Variants in AGK observed in about 807,000 individuals in gnomAD.
AGK encodes acylglycerol kinase, mitochondrial.
Under a neutral mutation model 66.4 loss-of-function variants are expected in AGK, and 52 were observed. That is an observed-to-expected ratio of 0.78 (90% CI 0.63 to 0.99). The LOEUF (loss-of-function observed/expected upper bound fraction) is 0.99, where lower values mean the gene tolerates loss of function less well. AGK is among the 50% of genes least tolerant of loss of function. The probability of loss-of-function intolerance (pLI) is 0.00; values close to 1 mark genes in which losing one functional copy is unlikely to be tolerated. For synonymous variants in AGK, 182 were observed against 181.1 expected (o/e 1.00, Z -0.04); for missense variants, 451 against 506.6 (o/e 0.89, Z 1.05).
chr7:141,627,432 C>A (rs1796962848), intron 9 of AGK, among the ~76,000 whole-genome samples: 1 of 152,092 alleles, frequency 6.6e-6, no homozygotes, highest in African/African-American at 2.4e-5. Flanking sequence ...CATTCACGTT[C>A]CCTGATATTT....
chr7:141,581,239 AG>A (rs1278733517), intron 2 of AGK, among the ~76,000 whole-genome samples: 7 of 151,954 alleles, frequency 4.6e-5, no homozygotes, highest in Non-Finnish European at 1.0e-4. Context: ...GATGGGTGTC[AG>A]GGTCAGTCCA....
At chr7:141,575,762 G>C (rs1434715088) in intron 2 of AGK, among the ~76,000 whole-genome samples, 1 of 140,150 alleles carries the variant, frequency 7.1e-6, no homozygotes, top group African/African-American at 2.7e-5. Flanking sequence ...TTTTAGACCT[G>C]AAAATTGCTG....
intron 2 of AGK, among the ~76,000 whole-genome samples, chr7:141,560,598 T>C (rs1226504582): frequency 6.6e-6 from 1 of 152,048 alleles, no homozygotes; most frequent in East Asian, 1.9e-4. Context: ...GTGTGTAGTC[T>C]TTTATTCCTC....
intron 3 of AGK, 148 bp from the exon 4 acceptor site, chr7:141,596,414 C>T (rs911694281): frequency 3.2e-5 from 20 of 616,010 alleles, no homozygotes; most frequent in African/African-American, 9.3e-5. Context: ...ATGGTGTTTT[C>T]GTTAATATGA....
Position 141,639,957 on chromosome 7 carries a change from A to G in AGK, c.727-1291A>G, listed in dbSNP as rs533294342. On this transcript the variant is annotated intron_variant, in intron 11 of 15. Transcript: ENST00000649286. Reference sequence around the variant, plus strand: ...GAAAGCCAAGAGTAAGTGGAAAAAGAAAGCACTTGAAAGTAATTGACTATC... The same window carrying G: ...GAAAGCCAAGAGTAAGTGGAAAAAGGAAGCACTTGAAAGTAATTGACTATC... Among the ~76,000 whole-genome samples, 158 of 152,316 alleles carry G rather than the reference A, an allele frequency of 1.0e-3. 1 individual carries two copies. The highest frequency in any genetic ancestry group is 6.8e-3 in the Middle Eastern group (2 of 294).
At chr7:141,565,099 T>C (rs904501934) in intron 2 of AGK, among the ~76,000 whole-genome samples, 4 of 152,160 alleles carry the variant, frequency 2.6e-5, no homozygotes, top group Admixed American at 6.5e-5. Flanking sequence ...CCCTAGGCCT[T>C]CTTCTCACAT....
Position 141,587,132 on chromosome 7 carries a change from G to T in AGK, c.102-6014G>T, listed in dbSNP as rs546015158. 3.3e-5 allele frequency among the ~76,000 whole-genome samples: 5 copies of T among 152,266 alleles called. No individual in the cohort carries two copies. In the East Asian group the frequency reaches 9.7e-4, roughly 29 times the overall value. ...TCTCTGTGAATGGTACTGCCTTCCA[G>T]CAATTGCTTAATGCAGGATGTGGGC... On this transcript the variant is annotated intron_variant, in intron 2 of 15. Coordinates refer to ENST00000649286, the MANE Select transcript of AGK (RefSeq NM_018238.4).
At chr7:141,652,705 T>A (rs557628360) in intron 15 of AGK, 82 bp from the exon 16 acceptor site, 9 of 1,442,624 alleles carry the variant, frequency 6.2e-6, no homozygotes, top group South Asian at 6.2e-5. Flanking sequence ...ATAATGAACT[T>A]CTTCTGGTGC....
chr7:141,633,447 G>A (rs1046579000), intron 9 of AGK, among the ~76,000 whole-genome samples: 1 of 152,136 alleles, frequency 6.6e-6, no homozygotes, highest in Non-Finnish European at 1.5e-5. Context: ...GTATTTGACT[G>A]TAGTTTCAGA....
Position 141,651,623 on chromosome 7 carries a change from G to A in AGK, c.1131+14G>A. ...CTTATCCCGGAGGTGAGTGGGGAAGGGGTCGGTAGTCACAGCATTTGATTC... is the reference window on the plus strand; with the variant it reads ...CTTATCCCGGAGGTGAGTGGGGAAGAGGTCGGTAGTCACAGCATTTGATTC... On this transcript the variant is annotated intron_variant, in intron 15 of 15. Coordinates refer to ENST00000649286, the MANE Select transcript of AGK (RefSeq NM_018238.4). The A allele has an allele frequency of 6.2e-7, 1 of 1,612,836 alleles. No individual in the cohort carries two copies. Among genetic ancestry groups the A allele is most frequent in the Non-Finnish European group, 8.5e-7 (1 of 1,178,786 alleles).
At chr7:141,561,906 C>T (rs996914976) in intron 2 of AGK, among the ~76,000 whole-genome samples, 2 of 152,174 alleles carry the variant, frequency 1.3e-5, no homozygotes, top group African/African-American at 2.4e-5. Flanking sequence ...TTCCTGAGAA[C>T]CAAAGTGCAG....
At chr7:141,586,948 A>G (rs940434350) in intron 2 of AGK, among the ~76,000 whole-genome samples, 2 of 152,048 alleles carry the variant, frequency 1.3e-5, no homozygotes, top group Non-Finnish European at 2.9e-5. Flanking sequence ...CATTCCTTCT[A>G]TCAACATGTA....
At position 141,563,226 on chromosome 7, in the gene AGK, G is replaced by A. The variant is rs551434523; in HGVS notation, c.101+7659G>A. Among the ~76,000 whole-genome samples the A allele has an allele frequency of 3.3e-5, 5 of 152,296 alleles. No individual in the cohort carries two copies. The East Asian group carries it at 9.6e-4, about 29-fold the overall frequency. On this transcript the variant is annotated intron_variant, in intron 2 of 15. Coordinates refer to ENST00000649286, the MANE Select transcript of AGK (RefSeq NM_018238.4). ...ACACACTGTTCTGTCTGTCCAGGTG[G>A]GAGATGCAATGCACATTAGCCCTGC...
intron 9 of AGK, among the ~76,000 whole-genome samples, chr7:141,631,247 A>C (rs1797049110): frequency 6.6e-6 from 1 of 152,186 alleles, no homozygotes; most frequent in African/African-American, 2.4e-5. Flanking sequence ...TTATACACTC[A>C]TAGGAGATAA....
intron 5 of AGK, among the ~76,000 whole-genome samples, chr7:141,605,612 C>A (rs180904022): frequency 1.3e-5 from 2 of 152,290 alleles, no homozygotes; most frequent in East Asian, 3.9e-4. Context: ...GGCAGGGTAC[C>A]TAGCCTACCA....
chr7:141,618,995 AAT>A (rs919445344), intron 8 of AGK, among the ~76,000 whole-genome samples: 4 of 152,136 alleles, frequency 2.6e-5, no homozygotes, highest in African/African-American at 9.7e-5. Flanking sequence ...AATCTAACAA[AAT>A]ATGTGTAAGA....
At chr7:141,554,432 T>TTA (rs1245532612) in intron 1 of AGK, among the ~76,000 whole-genome samples, 3 of 152,194 alleles carry the variant, frequency 2.0e-5, no homozygotes, top group Non-Finnish European at 2.9e-5. Context: ...ATAATGCCAA[T>TTA]TATATATGGC....
intron 2 of AGK, among the ~76,000 whole-genome samples, chr7:141,564,844 C>A (rs535263213): frequency 5.1e-4 from 77 of 152,240 alleles, no homozygotes; most frequent in Middle Eastern, 6.8e-3. Flanking sequence ...ATTCTCCTGT[C>A]TCAGCCTCCT....
chr7:141,567,823 C>A (rs1795503645), intron 2 of AGK, among the ~76,000 whole-genome samples: 1 of 152,180 alleles, frequency 6.6e-6, no homozygotes, highest in Non-Finnish European at 1.5e-5. Context: ...AGAAAGGAGG[C>A]AGTGGAGTAT....
Sources: gnomAD v4.1 joint callset for allele counts (sites outside exome capture counted in the v4.1 genomes callset) on GRCh38, gnomAD v4.1.1 for gene constraint, MANE v1.5 for transcripts, NCBI Gene and HGNC (gene_info 2026-07-23, HGNC 2026-07-21) for gene names.